The following ACOT12 variants were observed in gnomAD, a reference collection of about 807,000 sequenced individuals.
The protein encoded by ACOT12 is acyl-CoA thioesterase 12, also known as acetyl-coenzyme A thioesterase.
A neutral mutation model predicts 67.7 loss-of-function variants in ACOT12; 51 were observed. The ratio of observed to expected loss-of-function variants is 0.75; its 90% CI spans 0.60 to 0.95. The LOEUF (loss-of-function observed/expected upper bound fraction) is 0.95. ACOT12 is among the 40% of genes least tolerant of loss of function. The probability of loss-of-function intolerance (pLI) is 0.00; values close to 1 mark genes in which losing one functional copy is unlikely to be tolerated. For missense variants in ACOT12, 734 were observed against 708.1 expected (o/e 1.04, Z -0.41); for synonymous variants, 251 against 244.6 (o/e 1.03, Z -0.24).
At chr5:81,343,959 T>C (rs1759288926) in intron 9 of ACOT12, 78 bp from the exon 10 acceptor site, 1 of 1,383,406 alleles carries the variant, frequency 7.2e-7, no homozygotes, top group East Asian at 2.3e-5. Context: ...TAATACTTTC[T>C]TGAACTTCTA....
chr5:81,391,953 G>C (rs1760875091), intron 1 of ACOT12, among the ~76,000 whole-genome samples: 2 of 152,156 alleles, frequency 1.3e-5, no homozygotes, highest in Admixed American at 1.3e-4. Context: ...CCCTGGAAAA[G>C]ATTCACAAAT....
At chr5:81,355,934 A>C (rs1404537008) in intron 5 of ACOT12, among the ~76,000 whole-genome samples, 1 of 152,184 alleles carries the variant, frequency 6.6e-6, no homozygotes, top group Non-Finnish European at 1.5e-5. Flanking sequence ...AAGGCTCTGA[A>C]CTAGCCAAGC....
At chr5:81,370,913 T>G (rs1348652635) in intron 3 of ACOT12, among the ~76,000 whole-genome samples, 1 of 152,138 alleles carries the variant, frequency 6.6e-6, no homozygotes, top group Non-Finnish European at 1.5e-5. Context: ...TTAACCTGAA[T>G]GGAGATCTCA....
chr5:81,366,726 A>G (rs1367145005), intron 3 of ACOT12, among the ~76,000 whole-genome samples: 1 of 152,196 alleles, frequency 6.6e-6, no homozygotes, highest in Non-Finnish European at 1.5e-5. Flanking sequence ...TGGACTTTCT[A>G]AGGTAAAAAA....
intron 6 of ACOT12, 45 bp downstream of exon 6, chr5:81,347,729 C>A: frequency 6.3e-7 from 1 of 1,598,320 alleles, no homozygotes; most frequent in Non-Finnish European, 8.5e-7. Context: ...TCTACTTTCT[C>A]CTCACTGGTC....
chr5:81,338,650 C>T (rs921765414), intron 11 of ACOT12, among the ~76,000 whole-genome samples: 7 of 152,182 alleles, frequency 4.6e-5, no homozygotes, highest in Admixed American at 6.5e-5. Flanking sequence ...CAAACGTTTT[C>T]TTTATCATTT....
the ACOT12 span, among the ~76,000 whole-genome samples, chr5:81,320,212 G>T: frequency 6.6e-6 from 1 of 152,204 alleles, no homozygotes; most frequent in Non-Finnish European, 1.5e-5. Flanking sequence ...AGTGAATGCA[G>T]GAGCTTCAGA....
rs201083196 is a variant in ACOT12 at position 81,344,980 on chromosome 5, G to A, written c.835C>T (p.Arg279Cys). ...ATGAGAAAAGCACTGTTGATGTGAC[G>A]CCCTCGGCCCTCGGCCCATTCCTGA... ...DCQEWAEGRG[R>C]HINSAFLIYN... Residue 279 changes from arginine to cysteine, a missense_variant, in exon 8 of 15, where the codon CGT becomes TGT. Transcript: ENST00000307624. 1.2e-5 allele frequency: 20 copies of A among 1,614,096 alleles called. No individual in the cohort carries two copies. Among genetic ancestry groups the A allele is most frequent in the Admixed American group, 3.3e-5 (2 of 60,016 alleles).
At chr5:81,315,909 A>T in the ACOT12 span, among the ~76,000 whole-genome samples, 1 of 152,126 alleles carries the variant, frequency 6.6e-6, no homozygotes, top group Admixed American at 6.5e-5. Flanking sequence ...ACCTTCTACC[A>T]TATTAAGTTA....
At chr5:81,348,019 C>A in intron 5 of ACOT12, 89 bp from the exon 6 acceptor site, 1 of 1,400,580 alleles carries the variant, frequency 7.1e-7, no homozygotes, top group Admixed American at 2.2e-5. Flanking sequence ...ACATTCAACT[C>A]GGATTTATAG....
Position 81,344,233 on chromosome 5 carries a change from G to T in ACOT12, c.925-18C>A, listed in dbSNP as rs747005062. 1 of 1,608,074 alleles carries T rather than the reference G, an allele frequency of 6.2e-7. No homozygotes were observed. The highest frequency in any genetic ancestry group is 1.1e-5 in the South Asian group (1 of 90,252). ...AAATCATCCTTTAATCAAAAACAAA[G>T]TAAAATCAATAAAATAAAATAAAAT... On this transcript the variant is annotated intron_variant, in intron 8 of 14. Coordinates refer to ENST00000307624, the MANE Select transcript of ACOT12 (RefSeq NM_130767.3).
chr5:81,357,828 A>C (rs1205064274), intron 5 of ACOT12, among the ~76,000 whole-genome samples: 2 of 152,052 alleles, frequency 1.3e-5, no homozygotes, highest in East Asian at 3.9e-4. Flanking sequence ...CAATGTGGTG[A>C]AACCTCGTCT....
chr5:81,360,491 C>T (rs977221071), intron 4 of ACOT12, among the ~76,000 whole-genome samples: 2 of 152,132 alleles, frequency 1.3e-5, no homozygotes, highest in African/African-American at 4.8e-5. Flanking sequence ...TTATCTTATA[C>T]CATGATACCA....
chr5:81,330,720 C>T, intron 14 of ACOT12, 94 bp downstream of exon 14: 1 of 1,548,926 alleles, frequency 6.5e-7, no homozygotes, highest in Non-Finnish European at 8.7e-7. Flanking sequence ...ACACAAATTA[C>T]AAGATTACAA....
intron 5 of ACOT12, among the ~76,000 whole-genome samples, chr5:81,359,018 G>A (rs1473854707): frequency 6.6e-6 from 1 of 152,148 alleles, no homozygotes; most frequent in Non-Finnish European, 1.5e-5. Flanking sequence ...CATACTGGCT[G>A]CTACCTCTCC....
At chr5:81,343,721 C>G in intron 10 of ACOT12, 97 bp downstream of exon 10, 1 of 1,177,622 alleles carries the variant, frequency 8.5e-7, no homozygotes, top group Non-Finnish European at 1.2e-6. Flanking sequence ...TTTCACATAG[C>G]CTGCGTAGGC....
Position 81,379,444 on chromosome 5 carries a change from C to T in ACOT12, c.197+6313G>A, listed in dbSNP as rs181468354. 2.5e-3 allele frequency among the ~76,000 whole-genome samples: 380 copies of T among 151,834 alleles called. 1 individual carries two copies. The highest frequency in any genetic ancestry group is 8.9e-3 in the African/African-American group (369 of 41,398). On this transcript the variant is annotated intron_variant, in intron 2 of 14. Coordinates refer to ENST00000307624, the MANE Select transcript of ACOT12 (RefSeq NM_130767.3). ...TGTATACCTATGTAACAAACCTGCA[C>T]GTTCTGCACATGTACCCCAGAACTT... is the stretch of plus-strand genomic sequence containing the variant.
chr5:81,360,155 T>C, intron 4 of ACOT12, 117 bp from the exon 5 acceptor site: 1 of 1,022,010 alleles, frequency 9.8e-7, no homozygotes, highest in Non-Finnish European at 1.4e-6. Flanking sequence ...AATAGAGCTT[T>C]TATGAGTGTT....
chr5:81,313,912 C>G, the ACOT12 span, among the ~76,000 whole-genome samples: 5 of 152,112 alleles, frequency 3.3e-5, no homozygotes, highest in Admixed American at 3.3e-4. Context: ...ATTGCACAAG[C>G]CAGGCAGTTG....
Sources: allele counts gnomAD v4.1 joint callset (sites outside exome capture counted in the v4.1 genomes callset), GRCh38; gene constraint gnomAD v4.1.1; transcripts MANE v1.5; gene names NCBI Gene and HGNC (gene_info 2026-07-23, HGNC 2026-07-21).